The following ZNF717 variants were observed in gnomAD, a reference collection of about 807,000 sequenced individuals.
ZNF717 encodes zinc finger protein 717.
A neutral mutation model predicts 13.8 loss-of-function variants in ZNF717; 9 were observed. The ratio of observed to expected loss-of-function variants is 0.65; its 90% CI spans 0.39 to 1.14. The LOEUF is 1.14. Among genes scored for constraint, ZNF717 ranks in the 50% most tolerant of loss-of-function variants. The probability of loss-of-function intolerance (pLI) is 0.01; values close to 1 mark genes in which losing one functional copy is unlikely to be tolerated. For missense variants in ZNF717, 1,040 were observed against 1,080.7 expected, an observed-to-expected ratio of 0.96 and a Z score of 0.53; for synonymous variants, 327 against 364.1, an observed-to-expected ratio of 0.90 and a Z score of 1.16.
intron 2 of ZNF717, among the ~76,000 whole-genome samples, chr3:75,744,718 C>A (rs1429571392): frequency 2.0e-5 from 3 of 151,972 alleles, no homozygotes; most frequent in African/African-American, 7.3e-5. Context: ...GTGACAAACA[C>A]CTGACAAAAC....
At chr3:75,734,809 ATATATATATTTTT>A (rs1283805272), downstream of ZNF717, among the ~76,000 whole-genome samples, 6 of 17,442 alleles carry the variant, frequency 3.4e-4, no homozygotes, top group African/African-American at 1.1e-3. Context: ...ATATATATAT[ATATATATATTTTT>A]TTTTTTTTTT....
intron 2 of ZNF717, among the ~76,000 whole-genome samples, chr3:75,752,135 C>T (rs1437453044): frequency 6.7e-6 from 1 of 149,188 alleles, no homozygotes; most frequent in African/African-American, 2.5e-5. Context: ...CTGTCCCCCA[C>T]ATAGCATTCC....
Position 75,737,576 on chromosome 3 carries a change from GT to G in ZNF717, c.2046del (p.Lys682AsnfsTer22). ...KNRMDVMNVE[K>X]LFVRNHTLLY... ...AATAAGGTATGATTTCTGACAAAAAGTTTTTCCACATTCATTACATCCATAC... is the reference window on the plus strand; with the variant it reads ...AATAAGGTATGATTTCTGACAAAAAGTTTTCCACATTCATTACATCCATAC... On this transcript the variant is annotated frameshift_variant, in exon 5 of 5. Transcript: ENST00000652011. LOFTEE classifies it low-confidence loss of function (END_TRUNC). 2 of 1,544,354 alleles carry G rather than the reference GT, an allele frequency of 1.3e-6. No individual in the cohort carries two copies. Among genetic ancestry groups the G allele is most frequent in the Non-Finnish European group, 1.8e-6 (2 of 1,142,052 alleles).
At chr3:75,724,953 G>A (rs1347396079) in intron 4 of ZNF717, among the ~76,000 whole-genome samples, 1 of 152,234 alleles carries the variant, frequency 6.6e-6, no homozygotes, top group South Asian at 2.1e-4. Flanking sequence ...TACTTCTTAA[G>A]TATTCTTCTA....
At chr3:75,696,480 C>T (rs1209539697) in intron 6 of ZNF717, among the ~76,000 whole-genome samples, 2 of 152,412 alleles carry the variant, frequency 1.3e-5, no homozygotes, top group African/African-American at 4.8e-5. Flanking sequence ...TTGCAAAAAA[C>T]CTAGCAAACT....
intron 2 of ZNF717, among the ~76,000 whole-genome samples, chr3:75,764,716 A>G (rs1943292672): frequency 6.6e-6 from 1 of 152,202 alleles, no homozygotes; most frequent in Admixed American, 6.5e-5. Flanking sequence ...GCAAATAGAA[A>G]CCACAATGGG....
downstream of ZNF717, among the ~76,000 whole-genome samples, chr3:75,725,195 T>C (rs1321737944): frequency 6.6e-6 from 1 of 152,174 alleles, no homozygotes; most frequent in African/African-American, 2.4e-5. Context: ...TTTTCCATCA[T>C]GTTTCCATCA....
downstream of ZNF717, among the ~76,000 whole-genome samples, chr3:75,733,476 C>T (rs1938772422): frequency 6.6e-6 from 1 of 152,040 alleles, no homozygotes; most frequent in Non-Finnish European, 1.5e-5. Context: ...TATAGAGAAA[C>T]AAAGATAAGA....
At chr3:75,783,453 C>T (rs948036944) in intron 1 of ZNF717, 89 bp from the exon 2 acceptor site, 4 of 1,011,238 alleles carry the variant, frequency 4.0e-6, no homozygotes, top group African/African-American at 3.3e-5. Flanking sequence ...AGACACATTA[C>T]CTGGAAAAGC....
exon 6 of ZNF717, chr3:75,730,514 T>TAA (rs1938467729): frequency 3.2e-6 from 2 of 630,498 alleles, no homozygotes; most frequent in East Asian, 2.9e-5. Flanking sequence ...CCAGAAGTGA[T>TAA]ACAGACTTGG....
intron 2 of ZNF717, among the ~76,000 whole-genome samples, chr3:75,774,200 A>AAAAGAAAG (rs1553684049): frequency 6.9e-6 from 1 of 144,354 alleles, no homozygotes; most frequent in Non-Finnish European, 1.5e-5. Flanking sequence ...AAAAAAAAAA[A>AAAAGAAAG]AAAGGAAAAA....
rs1162248199 is a variant in ZNF717 at position 75,739,907 on chromosome 3, C to A, written c.278-562G>T. 1.4e-4 allele frequency among the ~76,000 whole-genome samples: 21 copies of A among 152,286 alleles called. No homozygotes were observed. In the East Asian group the frequency reaches 3.9e-3, roughly 28 times the overall value. On this transcript the variant is annotated intron_variant, in intron 4 of 4. Coordinates refer to ENST00000652011, the MANE Select transcript of ZNF717 (RefSeq NM_001290208.3). ...TAAATGTGTCTGGAGGTTTTCCAAGCAGAAAATCTCTTATTCCCCATGTTA... is the reference window on the plus strand; with the variant it reads ...TAAATGTGTCTGGAGGTTTTCCAAGAAGAAAATCTCTTATTCCCCATGTTA...
intron 6 of ZNF717, among the ~76,000 whole-genome samples, chr3:75,695,109 T>C (rs1937590028): frequency 6.6e-6 from 1 of 152,268 alleles, no homozygotes; most frequent in Admixed American, 6.5e-5. Flanking sequence ...CCTATAAAGA[T>C]ATATTTAGAC....
intron 2 of ZNF717, among the ~76,000 whole-genome samples, chr3:75,764,990 G>GATATATTTAT: frequency 9.8e-6 from 1 of 102,356 alleles, no homozygotes; most frequent in East Asian, 3.4e-4. Flanking sequence ...TAAACAAAAG[G>GATATATTTAT]ATATATATAT....
intron 2 of ZNF717, among the ~76,000 whole-genome samples, chr3:75,779,759 GA>G (rs1210428235): frequency 1.3e-4 from 19 of 146,628 alleles, no homozygotes; most frequent in African/African-American, 4.6e-4. Context: ...TGCTAAACCA[GA>G]AACCCAAAAC....
intron 2 of ZNF717, among the ~76,000 whole-genome samples, chr3:75,772,922 A>T (rs1944016019): frequency 6.6e-6 from 1 of 152,210 alleles, no homozygotes; most frequent in Admixed American, 6.5e-5. Context: ...ACCTCCATGG[A>T]TTTGTGTTTT....
chr3:75,716,371 C>G (rs1938053096), intron 5 of ZNF717: 1 of 152,038 alleles, frequency 6.6e-6, no homozygotes, highest in Non-Finnish European at 1.5e-5. Context: ...CTGTAGAAAC[C>G]AAGACTAATC....
chr3:75,767,888 A>T (rs1297540587), intron 2 of ZNF717, among the ~76,000 whole-genome samples: 1 of 151,816 alleles, frequency 6.6e-6, no homozygotes, highest in Admixed American at 6.6e-5. Flanking sequence ...AAAAAAAAGG[A>T]AAGAAAACAA....
chr3:75,764,660 T>C (rs1451695950), intron 2 of ZNF717, among the ~76,000 whole-genome samples: 2 of 152,140 alleles, frequency 1.3e-5, no homozygotes, highest in Admixed American at 1.3e-4. Flanking sequence ...AACAGATACA[T>C]GAGATATATG....
Sources: gnomAD v4.1 joint callset for allele counts (sites outside exome capture counted in the v4.1 genomes callset) on GRCh38, gnomAD v4.1.1 for gene constraint, MANE v1.5 for transcripts, NCBI Gene and HGNC (gene_info 2026-07-23, HGNC 2026-07-21) for gene names.